Variants in GPAM observed in about 807,000 individuals in gnomAD.
GPAM encodes the protein glycerol-3-phosphate acyltransferase, mitochondrial.
Under a neutral mutation model 105.0 loss-of-function variants are expected in GPAM, and 56 were observed. That is an observed-to-expected ratio of 0.53 (90% CI 0.43 to 0.67). The LOEUF (loss-of-function observed/expected upper bound fraction) is 0.67. Ranked by LOEUF, GPAM falls within the 30% of genes least tolerant of loss-of-function variation. The pLI is 0.00. For synonymous variants in GPAM, 368 were observed against 354.4 expected (o/e 1.04, Z -0.43); for missense variants, 855 against 989.8 (o/e 0.86, Z 1.83).
At chr10:112,213,791 T>G (rs1227050560) in intron 1 of GPAM, among the ~76,000 whole-genome samples, 1 of 152,098 alleles carries the variant, frequency 6.6e-6, no homozygotes, top group African/African-American at 2.4e-5. Context: ...AAAGAGTGTT[T>G]CTGTGGTGAG....
chr10:112,183,364 T>A (rs1847542506), intron 1 of GPAM, among the ~76,000 whole-genome samples: 4 of 152,238 alleles, frequency 2.6e-5, no homozygotes. Context: ...TACCCCTTAC[T>A]GCCTCAATGT....
chr10:112,198,498 A>G (rs1847751754), intron 1 of GPAM, among the ~76,000 whole-genome samples: 1 of 152,212 alleles, frequency 6.6e-6, no homozygotes, highest in Non-Finnish European at 1.5e-5. Context: ...AAAAAAGTAC[A>G]TGTAAAAAAT....
the GPAM span, among the ~76,000 whole-genome samples, chr10:112,226,320 G>A: frequency 6.6e-6 from 1 of 152,178 alleles, no homozygotes; most frequent in East Asian, 1.9e-4. Flanking sequence ...GGTCATCGTT[G>A]TGGAGAGTGT....
chr10:112,157,095 A>G, intron 19 of GPAM, 154 bp downstream of exon 19: 1 of 746,132 alleles, frequency 1.3e-6, no homozygotes, highest in Non-Finnish European at 2.4e-6. Context: ...AATTCAACTC[A>G]AACAGTTTGA....
Position 112,151,820 on chromosome 10 carries a change from G to A in GPAM, c.*1730C>T. 1.0e-6 allele frequency: 1 copy of A among 984,858 alleles called. No individual in the cohort carries two copies. Among genetic ancestry groups the A allele is most frequent in the Non-Finnish European group, 1.2e-6 (1 of 829,452 alleles). 61.0% of individuals were successfully genotyped at this position (984,858 alleles called of 1,614,324 possible). ...ACTCCCTGGGTATCCTCCAAATGTA[G>A]CCAAGAAAAGTGTTCTTCTACCCTA... On this transcript the variant is annotated 3_prime_UTR_variant, in exon 22 of 22. Transcript: ENST00000348367.
intron 1 of GPAM, among the ~76,000 whole-genome samples, chr10:112,197,734 G>A (rs1382802807): frequency 2.1e-5 from 3 of 144,484 alleles, no homozygotes; most frequent in Non-Finnish European, 3.0e-5. Context: ...GAGAATATGC[G>A]GTGTTTGGTT....
rs1564807681 is a variant in GPAM, at chr10:112,151,590, T to C, written c.*1960A>G. On this transcript the variant is annotated 3_prime_UTR_variant, in exon 22 of 22. Transcript: ENST00000348367. ...AAAACAAACCAACCAAAAGGGAAAA[T>C]AATGCAAGAGAAGCCGTATTTTCTT... 1 of 985,466 alleles carries C rather than the reference T, an allele frequency of 1.0e-6. No individual in the cohort carries two copies. The highest frequency in any genetic ancestry group is 1.2e-6 in the Non-Finnish European group (1 of 829,914). The allele number at this position is 985,466 out of a possible 1,614,324, so 61.0% of individuals were successfully genotyped here. A position where few individuals can be genotyped will look rare whatever the true frequency, so the allele number is the denominator to read the frequency against.
intron 1 of GPAM, among the ~76,000 whole-genome samples, chr10:112,198,501 T>C (rs1050116214): frequency 1.3e-5 from 2 of 152,176 alleles, no homozygotes; most frequent in Non-Finnish European, 2.9e-5. Context: ...AAAGTACATG[T>C]AAAAAATTAC....
At position 112,163,695 on chromosome 10, in the gene GPAM, A is replaced by G. The variant is rs775268472; in HGVS notation, c.1423+6T>C. ...GTAGAATTAAAGAGTCTGGTATTCT[A>G]CTTACTGAATAGAATATGCTCAGCC... On this transcript the variant is annotated splice_donor_region_variant and intron_variant, in intron 14 of 21. Coordinates refer to ENST00000348367, the MANE Select transcript of GPAM (RefSeq NM_001244949.2). The G allele has an allele frequency of 1.9e-5, 23 of 1,232,786 alleles. No individual in the cohort carries two copies. The highest frequency in any genetic ancestry group is 3.0e-5 in the African/African-American group (2 of 67,684). The allele number at this position is 1,232,786 out of a possible 1,614,324, so 76.4% of individuals were successfully genotyped here.
At position 112,151,604 on chromosome 10, in the gene GPAM, C is replaced by T. The variant is rs190727802; in HGVS notation, c.*1946G>A. The T allele has an allele frequency of 8.1e-6, 8 of 985,638 alleles. No individual in the cohort carries two copies. The East Asian group carries it at 9.1e-4, about 112-fold the overall frequency. The allele number at this position is 985,638 out of a possible 1,614,324, so 61.1% of individuals were successfully genotyped here. On this transcript the variant is annotated 3_prime_UTR_variant, in exon 22 of 22. Transcript: ENST00000348367. The stretch of plus-strand genomic sequence containing the variant: ...AAAAGGGAAAATAATGCAAGAGAAG[C>T]CGTATTTTCTTTGCTTAGGTTGGCA...
chr10:112,182,190 G>A (rs563400573), intron 2 of GPAM, among the ~76,000 whole-genome samples: 2 of 152,134 alleles, frequency 1.3e-5, no homozygotes, highest in East Asian at 1.9e-4. Flanking sequence ...GCTATGAATA[G>A]TCATTTGCAA....
chr10:112,212,932 G>A (rs1047020305), intron 1 of GPAM, among the ~76,000 whole-genome samples: 2 of 152,210 alleles, frequency 1.3e-5, no homozygotes, highest in African/African-American at 2.4e-5. Context: ...ATGTTTAGGC[G>A]AAAGCCTGTA....
intron 1 of GPAM, among the ~76,000 whole-genome samples, chr10:112,198,422 G>A (rs988223436): frequency 1.3e-5 from 2 of 152,188 alleles, no homozygotes; most frequent in Non-Finnish European, 2.9e-5. Flanking sequence ...TAAAGCAGTA[G>A]TTCCTCACTT....
intron 6 of GPAM, among the ~76,000 whole-genome samples, chr10:112,174,817 C>G (rs781405263): frequency 6.6e-6 from 1 of 152,218 alleles, no homozygotes; most frequent in Admixed American, 6.5e-5. Context: ...TTATCAACTA[C>G]TCACTCATCC....
At chr10:112,219,294 G>A (rs1156246938), upstream of GPAM, among the ~76,000 whole-genome samples, 2 of 152,202 alleles carry the variant, frequency 1.3e-5, no homozygotes, top group Non-Finnish European at 2.9e-5. Context: ...CAGGCCAAGT[G>A]CACACAGGTG....
chr10:112,190,430 A>C (rs527653135), intron 1 of GPAM, among the ~76,000 whole-genome samples: 1 of 151,638 alleles, frequency 6.6e-6, no homozygotes, highest in Non-Finnish European at 1.5e-5. Flanking sequence ...ACTTGAACCC[A>C]GGAGCCAGAG....
intron 1 of GPAM, among the ~76,000 whole-genome samples, chr10:112,213,170 C>T (rs1847931297): frequency 6.6e-6 from 1 of 152,150 alleles, no homozygotes; most frequent in African/African-American, 2.4e-5. Flanking sequence ...AATGTTTTTA[C>T]CATCAGCCTG....
upstream of GPAM, among the ~76,000 whole-genome samples, chr10:112,185,183 T>G (rs1847577271): frequency 6.6e-6 from 1 of 152,134 alleles, no homozygotes; most frequent in Non-Finnish European, 1.5e-5. Flanking sequence ...ACCAAAGGAT[T>G]AAACCGTTTT....
chr10:112,225,512 C>T, the GPAM span, among the ~76,000 whole-genome samples: 2 of 152,154 alleles, frequency 1.3e-5, no homozygotes, highest in African/African-American at 4.8e-5. Flanking sequence ...GATTCCACTA[C>T]CAGGATGTTT....
Sources: gnomAD v4.1 joint callset for allele counts (sites outside exome capture counted in the v4.1 genomes callset) on GRCh38, gnomAD v4.1.1 for gene constraint, MANE v1.5 for transcripts, NCBI Gene and HGNC (gene_info 2026-07-23, HGNC 2026-07-21) for gene names.